The following PLD5 variants were observed in gnomAD, a reference collection of about 807,000 sequenced individuals.
PLD5 encodes phospholipase D family member 5.
PLD5 carries 36 observed loss-of-function variants against 61.1 expected under a neutral mutation model. That is an observed-to-expected ratio of 0.59 (90% CI 0.45 to 0.78). The LOEUF (loss-of-function observed/expected upper bound fraction) is 0.78, where lower values mean the gene tolerates loss of function less well. Ranked by LOEUF, PLD5 falls within the 30% of genes least tolerant of loss-of-function variation. The pLI is 0.00. For synonymous variants in PLD5, 243 were observed against 242.8 expected (o/e 1.00, Z -0.01); for missense variants, 515 against 644.4 (o/e 0.80, Z 2.17).
chr1:242,393,693 TG>T (rs1663130520), intron 1 of PLD5, among the ~76,000 whole-genome samples: 1 of 100,174 alleles, frequency 1.0e-5, no homozygotes, highest in Non-Finnish European at 2.2e-5. Context: ...TGTATATATA[TG>T]AGTATATATG....
intron 4 of PLD5, among the ~76,000 whole-genome samples, chr1:242,245,231 ACAT>A (rs1672288314): frequency 6.6e-6 from 1 of 152,220 alleles, no homozygotes; most frequent in Non-Finnish European, 1.5e-5. Context: ...ATGTAAGGAA[ACAT>A]CAAACCAGAG....
rs1039743717 is a variant in PLD5 at position 242,422,855 on chromosome 1, T to C, written c.190-74613A>G. Among the ~76,000 whole-genome samples the C allele has an allele frequency of 3.3e-4, 50 of 151,298 alleles. No individual in the cohort carries two copies. The East Asian group carries it at 8.6e-3, about 26-fold the overall frequency. ...TAAACCGTATTTCTCTCTTTTTTTT[T>C]TTTTTTTTTTTGAGATAAGGTCTCA... On this transcript the variant is annotated intron_variant, in intron 1 of 9. Transcript: ENST00000536534.
chr1:242,161,044 C>T (rs1253289780), intron 5 of PLD5, among the ~76,000 whole-genome samples: 1 of 151,452 alleles, frequency 6.6e-6, no homozygotes, highest in African/African-American at 2.4e-5. Flanking sequence ...TAAGTTGGTA[C>T]AATAATATTT....
intron 1 of PLD5, among the ~76,000 whole-genome samples, chr1:242,494,083 GCCCTCCCTTC>G (rs1285644568): frequency 2.0e-5 from 2 of 100,408 alleles, no homozygotes; most frequent in South Asian, 3.5e-4. Flanking sequence ...CCCCTCCCCT[GCCCTCCCTTC>G]CCCTCTCCTC....
At chr1:242,151,316 T>A (rs565986414) in intron 5 of PLD5, among the ~76,000 whole-genome samples, 55 of 152,128 alleles carry the variant, frequency 3.6e-4, no homozygotes, top group Non-Finnish European at 7.5e-4. Flanking sequence ...CTTTAACATC[T>A]TATGTAGTGC....
chr1:242,213,406 AATCGAC>A (rs1354576647), intron 5 of PLD5, among the ~76,000 whole-genome samples: 1 of 152,212 alleles, frequency 6.6e-6, no homozygotes, highest in African/African-American at 2.4e-5. Context: ...AATGCTTTTA[AATCGAC>A]ATACCTCTGT....
intron 1 of PLD5, among the ~76,000 whole-genome samples, chr1:242,348,849 T>A (rs1660296984): frequency 6.6e-6 from 1 of 152,208 alleles, no homozygotes; most frequent in Non-Finnish European, 1.5e-5. Context: ...GGTCAGGAGA[T>A]CAAGACCGTC....
intron 5 of PLD5, among the ~76,000 whole-genome samples, chr1:242,167,116 A>G (rs1481913039): frequency 8.6e-6 from 1 of 116,672 alleles, no homozygotes; most frequent in African/African-American, 2.9e-5. Context: ...TAATAATAAT[A>G]AATAGTAGCC....
At chr1:242,126,207 G>C (rs1662770714) in intron 5 of PLD5, among the ~76,000 whole-genome samples, 1 of 152,124 alleles carries the variant, frequency 6.6e-6, no homozygotes. Context: ...TGGATGGGTA[G>C]AATCAATATT....
intron 1 of PLD5, among the ~76,000 whole-genome samples, chr1:242,470,148 T>C (rs1667398371): frequency 6.6e-6 from 1 of 152,004 alleles, no homozygotes; most frequent in Non-Finnish European, 1.5e-5. Context: ...GAGACCATCC[T>C]GGCTAACACA....
At chr1:242,391,434 T>G (rs1662925947) in intron 1 of PLD5, among the ~76,000 whole-genome samples, 1 of 152,158 alleles carries the variant, frequency 6.6e-6, no homozygotes, top group Admixed American at 6.5e-5. Flanking sequence ...TAAGGATATT[T>G]TAAACACACA....
At chr1:242,284,119 C>CTTTTTTTT (rs565165218) in intron 3 of PLD5, among the ~76,000 whole-genome samples, 8 of 75,948 alleles carry the variant, frequency 1.1e-4, no homozygotes, top group Non-Finnish European at 1.6e-4. Flanking sequence ...TTTCTTTTTC[C>CTTTTTTTT]TTTTTTTTTT....
intron 3 of PLD5, among the ~76,000 whole-genome samples, chr1:242,283,988 A>T (rs1674865692): frequency 6.6e-6 from 1 of 151,876 alleles, no homozygotes; most frequent in East Asian, 1.9e-4. Context: ...ACTGCACCCA[A>T]AAAGAAGGAG....
intron 1 of PLD5, among the ~76,000 whole-genome samples, chr1:242,481,554 C>T (rs1433373137): frequency 6.6e-6 from 1 of 152,234 alleles, no homozygotes; most frequent in Non-Finnish European, 1.5e-5. Context: ...GTAAACAAAG[C>T]AGCTGGGAAG....
At chr1:242,442,458 T>TA (rs1205711275) in intron 1 of PLD5, among the ~76,000 whole-genome samples, 1 of 152,128 alleles carries the variant, frequency 6.6e-6, no homozygotes, top group Non-Finnish European at 1.5e-5. Flanking sequence ...GCTTCTTTTT[T>TA]AAAACAAAAA....
chr1:242,168,312 G>C (rs1001287013), intron 5 of PLD5, among the ~76,000 whole-genome samples: 3 of 152,146 alleles, frequency 2.0e-5, no homozygotes, highest in African/African-American at 7.2e-5. Flanking sequence ...TCTGGTAACT[G>C]TCAGCATATC....
At chr1:242,174,321 G>C (rs1666972449) in intron 5 of PLD5, among the ~76,000 whole-genome samples, 1 of 152,224 alleles carries the variant, frequency 6.6e-6, no homozygotes, top group African/African-American at 2.4e-5. Flanking sequence ...CTGGCCATCA[G>C]AGAATTGCAA....
chr1:242,263,730 C>T (rs1673500524), intron 4 of PLD5, among the ~76,000 whole-genome samples: 1 of 152,214 alleles, frequency 6.6e-6, no homozygotes, highest in African/African-American at 2.4e-5. Context: ...GAAATTCAAA[C>T]ACTTCTTTTT....
At chr1:242,395,037 G>GTATATGTACATATGAATA (rs1663460747) in intron 1 of PLD5, among the ~76,000 whole-genome samples, 1 of 47,858 alleles carries the variant, frequency 2.1e-5, no homozygotes, top group Non-Finnish European at 3.8e-5. Flanking sequence ...ATATATGAAT[G>GTATATGTACATATGAATA]TATATGTATA....
Sources: gnomAD v4.1 joint callset for allele counts (sites outside exome capture counted in the v4.1 genomes callset) on GRCh38, gnomAD v4.1.1 for gene constraint, MANE v1.5 for transcripts, NCBI Gene and HGNC (gene_info 2026-07-23, HGNC 2026-07-21) for gene names.